The following LRRC7 variants were observed in gnomAD, a reference collection of about 807,000 sequenced individuals.
LRRC7 encodes leucine-rich repeat-containing protein 7.
In LRRC7, 23 loss-of-function variants were observed where a neutral mutation model predicts 175.7. The ratio of observed to expected loss-of-function variants is 0.13; its 90% CI spans 0.09 to 0.19. The LOEUF (loss-of-function observed/expected upper bound fraction) is 0.19, where lower values mean the gene tolerates loss of function less well. LRRC7 is among the 10% of genes least tolerant of loss of function. The probability of loss-of-function intolerance (pLI) is 1.00; values close to 1 mark genes in which losing one functional copy is unlikely to be tolerated. For synonymous variants in LRRC7, 685 were observed against 680.9 expected (o/e 1.01, Z -0.09); for missense variants, 1,354 against 1,904.7 (o/e 0.71, Z 5.38).
intron 7 of LRRC7, among the ~76,000 whole-genome samples, chr1:69,896,930 A>G (rs2101657084): frequency 6.6e-6 from 1 of 152,204 alleles, no homozygotes; most frequent in South Asian, 2.1e-4. Context: ...GACTTCTACT[A>G]GAGCCTTCAG....
rs1682526835 is a variant in LRRC7, at chr1:69,847,649, C to T, written c.647+9366C>T. On this transcript the variant is annotated intron_variant, in intron 7 of 26. Transcript: ENST00000651989. ...AAAGTAGAACTATCCATCTCATTTT[C>T]CTCTCCTACTAGCCCCAAATCACTA... Among the ~76,000 whole-genome samples the T allele has an allele frequency of 2.0e-5, 3 of 152,156 alleles. No individual in the cohort carries two copies. The South Asian group carries it at 6.2e-4, about 31-fold the overall frequency.
At chr1:69,918,548 T>TA (rs1211901347) in intron 7 of LRRC7, among the ~76,000 whole-genome samples, 1 of 152,174 alleles carries the variant, frequency 6.6e-6, no homozygotes, top group African/African-American at 2.4e-5. Context: ...AGAAAAGTAA[T>TA]AGACTGTGTT....
At chr1:69,707,056 A>C (rs528737960) in intron 2 of LRRC7, among the ~76,000 whole-genome samples, 2 of 152,170 alleles carry the variant, frequency 1.3e-5, no homozygotes, top group Non-Finnish European at 2.9e-5. Context: ...GTGTGGTAGG[A>C]TGTGTCTTTA....
intron 16 of LRRC7, chr1:70,022,289 A>AT (rs1657593510): frequency 6.6e-6 from 1 of 152,152 alleles, no homozygotes; most frequent in African/African-American, 2.4e-5. Flanking sequence ...TCTTTTACGG[A>AT]TTTTGTATGT....
At chr1:69,616,938 C>T (rs926318006) in intron 1 of LRRC7, among the ~76,000 whole-genome samples, 8 of 152,094 alleles carry the variant, frequency 5.3e-5, no homozygotes, top group African/African-American at 1.9e-4. Context: ...CATAAAGAAA[C>T]TGTCAGAACT....
At chr1:69,636,756 C>T (rs1557522667) in intron 1 of LRRC7, among the ~76,000 whole-genome samples, 5 of 151,880 alleles carry the variant, frequency 3.3e-5, no homozygotes. Context: ...TATTTCTGCA[C>T]ATGTTGAAGT....
chr1:69,962,843 G>A (rs115190504), intron 8 of LRRC7, among the ~76,000 whole-genome samples: 9,376 of 151,956 alleles, frequency 0.062, 276 homozygotes, highest in South Asian at 0.11. Flanking sequence ...GGTGGGAGGC[G>A]GGAGAGAATC....
In LRRC7 at chr1:69,571,307, T is replaced by A. The variant is rs548067810; in HGVS notation, c.2+2666T>A. 1.2e-4 allele frequency among the ~76,000 whole-genome samples: 19 copies of A among 152,310 alleles called. 1 individual carries two copies. In the South Asian group the frequency reaches 1.9e-3, roughly 15 times the overall value. On this transcript the variant is annotated intron_variant, in intron 1 of 26. Transcript: ENST00000651989. ...TTTTATTCAGAATTTTAGTGCAGCT[T>A]TAGGCTGTCATTAACATTTTCCCAA...
Position 70,130,409 on chromosome 1 carries a change from CA to C in LRRC7, c.*8525del, listed in dbSNP as rs1364958343. The stretch of plus-strand genomic sequence containing the variant: ...ACTTTATAAATATTGAACTAAACAG[CA>C]AATTGATCTTCAGTTTGTGTAACCT... On this transcript the variant is annotated 3_prime_UTR_variant, in exon 27 of 27. Coordinates refer to ENST00000651989, the MANE Select transcript of LRRC7 (RefSeq NM_001370785.2). Among the ~76,000 whole-genome samples the C allele has an allele frequency of 6.6e-6, 1 of 152,152 alleles. No homozygotes were observed. Among genetic ancestry groups the C allele is most frequent in the Non-Finnish European group, 1.5e-5 (1 of 68,020 alleles).
At chr1:69,661,833 A>G (rs779246133) in intron 1 of LRRC7, among the ~76,000 whole-genome samples, 1 of 152,054 alleles carries the variant, frequency 6.6e-6, no homozygotes, top group South Asian at 2.1e-4. Context: ...CATTTTTTTC[A>G]TATTTGCCAG....
chr1:69,934,065 G>A (rs1450636402), intron 8 of LRRC7, among the ~76,000 whole-genome samples: 4 of 152,126 alleles, frequency 2.6e-5, no homozygotes, highest in South Asian at 4.1e-4. Flanking sequence ...TCATATGCAT[G>A]GAACTGGCTG....
intron 2 of LRRC7, among the ~76,000 whole-genome samples, chr1:69,686,733 A>G (rs928294090): frequency 2.0e-5 from 3 of 152,200 alleles, no homozygotes; most frequent in African/African-American, 7.2e-5. Context: ...AATTAGATGT[A>G]TTAGACTTAA....
chr1:70,032,122 C>T (rs868822398), intron 18 of LRRC7, among the ~76,000 whole-genome samples: 21 of 152,098 alleles, frequency 1.4e-4, no homozygotes, highest in Admixed American at 1.3e-4. Context: ...AAAGAATGTG[C>T]GATCTAATGT....
intron 23 of LRRC7, among the ~76,000 whole-genome samples, chr1:70,064,392 C>G (rs1661807745): frequency 6.6e-6 from 1 of 151,912 alleles, no homozygotes; most frequent in African/African-American, 2.4e-5. Flanking sequence ...ATCATCTTCA[C>G]AACTTTATGG....
intron 17 of LRRC7, among the ~76,000 whole-genome samples, chr1:70,027,677 G>T (rs1197765671): frequency 1.3e-5 from 2 of 152,018 alleles, no homozygotes; most frequent in Admixed American, 1.3e-4. Flanking sequence ...TGCCTATTTA[G>T]GCAGCAGATA....
At chr1:69,686,878 TA>T (rs958074082) in intron 2 of LRRC7, among the ~76,000 whole-genome samples, 31 of 150,536 alleles carry the variant, frequency 2.1e-4, no homozygotes, top group African/African-American at 5.9e-4. Flanking sequence ...GATGCAAAAA[TA>T]AAAAAAAGGT....
chr1:70,107,933 C>G (rs1665256268), intron 26 of LRRC7, 107 bp downstream of exon 26: 1 of 1,003,538 alleles, frequency 1.0e-6, no homozygotes, highest in Non-Finnish European at 1.5e-6. Context: ...AAGTCCTTCT[C>G]ACATTGCTTA....
intron 1 of LRRC7, among the ~76,000 whole-genome samples, chr1:69,586,357 C>T (rs545056513): frequency 6.8e-4 from 103 of 152,144 alleles, no homozygotes; most frequent in African/African-American, 2.4e-3. Flanking sequence ...TTCCCCTCGA[C>T]TTAAAAAAAT....
chr1:69,607,333 T>C (rs1485254502), intron 1 of LRRC7: 4 of 152,132 alleles, frequency 2.6e-5, no homozygotes, highest in Non-Finnish European at 5.9e-5. Flanking sequence ...CTTTCTTCTC[T>C]TTTAGAATAA....
Sources: gnomAD v4.1 joint callset for allele counts (sites outside exome capture counted in the v4.1 genomes callset) on GRCh38, gnomAD v4.1.1 for gene constraint, MANE v1.5 for transcripts, NCBI Gene and HGNC (gene_info 2026-07-23, HGNC 2026-07-21) for gene names.